The following PLA2G6 variants were observed in gnomAD, a reference collection of about 807,000 sequenced individuals.
The protein encoded by PLA2G6 is phospholipase A2 group VI.
Under a neutral mutation model 83.8 loss-of-function variants are expected in PLA2G6, and 62 were observed. That is an observed-to-expected ratio of 0.74 (90% CI 0.60 to 0.91). The LOEUF (loss-of-function observed/expected upper bound fraction) is 0.91. PLA2G6 is among the 40% of genes least tolerant of loss of function. The pLI is 0.00. For synonymous variants in PLA2G6, 417 were observed against 449.8 expected, an observed-to-expected ratio of 0.93 and a Z score of 0.92; for missense variants, 944 against 1,102.0, an observed-to-expected ratio of 0.86 and a Z score of 2.03.
Position 38,140,128 on chromosome 22 carries a change from A to G in PLA2G6, c.651T>C (p.Asn217=). ...RNAVAGLNQV[N]NQGLTPLHLA... is the part of the protein sequence containing the mutation. Reference sequence around the variant, plus strand: ...GGTGCAGCGGGGTCAGCCCTTGGTTATTCACCTGGTTCAGGCCAGCCACTG... The same window carrying G: ...GGTGCAGCGGGGTCAGCCCTTGGTTGTTCACCTGGTTCAGGCCAGCCACTG... The change falls in exon 5 of 17, where the codon AAT becomes AAC. Residue 217 remains asparagine, a synonymous_variant. Coordinates refer to ENST00000332509, the MANE Select transcript of PLA2G6 (RefSeq NM_003560.4). 1 of 1,614,060 alleles carries G rather than the reference A, an allele frequency of 6.2e-7. No individual in the cohort carries two copies. Among genetic ancestry groups the G allele is most frequent in the Non-Finnish European group, 8.5e-7 (1 of 1,180,002 alleles).
In PLA2G6 at chr22:38,140,151, C is replaced by T; in HGVS notation, c.628G>A (p.Val210Met). The T allele has an allele frequency of 6.2e-7, 1 of 1,614,150 alleles. No individual in the cohort carries two copies. The highest frequency in any genetic ancestry group is 1.1e-5 in the South Asian group (1 of 91,074). Residue 210 changes from valine (V) to methionine (M), a missense_variant, in exon 5 of 17, where the codon GTG (valine) becomes ATG (methionine). Val to Met is a conservative substitution (Grantham distance 21). Transcript: ENST00000332509. The stretch of plus-strand genomic sequence containing the variant: ...TTATTCACCTGGTTCAGGCCAGCCA[C>T]TGCGTTCCTTCCAAGGAGCTGATGA... ...QVLQLLGRNAVAGLNQVNNQG... is the reference protein window; with the variant it reads ...QVLQLLGRNAMAGLNQVNNQG...
At chr22:38,154,978 A>G (rs929401732) in intron 2 of PLA2G6, among the ~76,000 whole-genome samples, 1 of 152,252 alleles carries the variant, frequency 6.6e-6, no homozygotes, top group Non-Finnish European at 1.5e-5. Context: ...CTGTAATCCC[A>G]GCACTTCGGA....
intron 4 of PLA2G6, 79 bp downstream of exon 4, chr22:38,143,026 C>G (rs1197209543): frequency 7.4e-7 from 1 of 1,352,656 alleles, no homozygotes; most frequent in Non-Finnish European, 1.1e-6. Flanking sequence ...GAGAGTGACA[C>G]CTGAGCCTAG....
intron 10 of PLA2G6, chr22:38,125,639 TCCGTGTGA>T (rs1199274839): frequency 2.1e-6 from 1 of 469,838 alleles, no homozygotes; most frequent in Non-Finnish European, 4.4e-6. Flanking sequence ...TGACACTCAC[TCCGTGTGA>T]CCTTGAGCAA....
chr22:38,161,087 T>C (rs1174978406), intron 2 of PLA2G6, among the ~76,000 whole-genome samples: 1 of 152,224 alleles, frequency 6.6e-6, no homozygotes, highest in East Asian at 1.9e-4. Flanking sequence ...CAGTGGAATA[T>C]AAGCAGTCTC....
At chr22:38,161,102 G>A (rs1001364110) in intron 2 of PLA2G6, among the ~76,000 whole-genome samples, 2 of 151,914 alleles carry the variant, frequency 1.3e-5, no homozygotes, top group Non-Finnish European at 2.9e-5. Context: ...AGTCTCTGGA[G>A]GAAAAAGTAG....
chr22:38,150,076 A>G (rs1485357803), intron 2 of PLA2G6: 1 of 151,532 alleles, frequency 6.6e-6, no homozygotes, highest in Non-Finnish European at 1.5e-5. Flanking sequence ...AAACACATAG[A>G]AAAAAACAAA....
At chr22:38,167,621 G>A (rs1392309380) in intron 2 of PLA2G6, among the ~76,000 whole-genome samples, 1 of 152,176 alleles carries the variant, frequency 6.6e-6, no homozygotes, top group Admixed American at 6.5e-5. Context: ...AGCCCCATCT[G>A]CACTCAGAAT....
At chr22:38,125,318 ATG>A (rs1231880253) in intron 10 of PLA2G6, among the ~76,000 whole-genome samples, 2 of 151,996 alleles carry the variant, frequency 1.3e-5, no homozygotes, top group Non-Finnish European at 2.9e-5. Context: ...GTGTGCGTGC[ATG>A]TGTGCGTGTG....
intron 1 of PLA2G6, among the ~76,000 whole-genome samples, chr22:38,169,814 C>T (rs189843122): frequency 7.2e-5 from 11 of 152,332 alleles, no homozygotes; most frequent in Non-Finnish European, 1.3e-4. Context: ...GGAGATAGCA[C>T]ATGTGAACAT....
At chr22:38,171,229 C>G (rs986473301) in intron 1 of PLA2G6, among the ~76,000 whole-genome samples, 1 of 151,634 alleles carries the variant, frequency 6.6e-6, no homozygotes, top group African/African-American at 2.4e-5. Context: ...TGTCCCATTA[C>G]AAGGCTCAGT....
Position 38,156,383 on chromosome 22 carries a change from C to T in PLA2G6, c.210-10730G>A, listed in dbSNP as rs539496468. 5.9e-5 allele frequency among the ~76,000 whole-genome samples: 9 copies of T among 152,314 alleles called. No homozygotes were observed. The East Asian group carries it at 1.7e-3, about 29-fold the overall frequency. On this transcript the variant is annotated intron_variant, in intron 2 of 16. Coordinates refer to ENST00000332509, the MANE Select transcript of PLA2G6 (RefSeq NM_003560.4). ...CGGCTGCAGAATACACATTCTTCTCCTCAGCATATGGATCATTCTCAAGGA... is the reference window on the plus strand; with the variant it reads ...CGGCTGCAGAATACACATTCTTCTCTTCAGCATATGGATCATTCTCAAGGA...
chr22:38,126,696 A>C (rs1602110956), intron 9 of PLA2G6: 1 of 528,190 alleles, frequency 1.9e-6, no homozygotes, highest in Non-Finnish European at 3.5e-6. Flanking sequence ...AGGGCTCCCC[A>C]CCCTGCCCAG....
intron 11 of PLA2G6, among the ~76,000 whole-genome samples, chr22:38,121,818 G>A (rs1569250850): frequency 6.6e-6 from 1 of 152,256 alleles, no homozygotes; most frequent in Non-Finnish European, 1.5e-5. Context: ...CCTCGTGCCC[G>A]CCCTTGGACC....
intron 14 of PLA2G6, 150 bp downstream of exon 14, chr22:38,115,377 G>A: frequency 9.6e-6 from 7 of 730,870 alleles, no homozygotes; most frequent in African/African-American, 1.7e-5. Context: ...ACAGGTTCCA[G>A]TGAGATCAAT....
rs1185690516 is a variant in PLA2G6, at chr22:38,116,866, A to C, written c.1743-655T>G. Among the ~76,000 whole-genome samples, 4 of 150,976 alleles carry C rather than the reference A, an allele frequency of 2.6e-5. 1 individual carries two copies. The highest frequency in any genetic ancestry group is 4.9e-5 in the African/African-American group (2 of 41,222). On this transcript the variant is annotated intron_variant, in intron 12 of 16. Transcript: ENST00000332509. ...AACTCCGTCTCAAAAAAAAAAAAAA[A>C]AAAAAAAAAACAGAATATTTTGAAC...
In PLA2G6 at chr22:38,145,519, C is replaced by A; in HGVS notation, c.344G>T (p.Arg115Leu). The change falls in exon 3 of 17, where the codon CGT becomes CTT. Residue 115 changes from arginine to leucine, a missense_variant. Physicochemically the swap from Arg to Leu is moderately radical, Grantham distance 102. Coordinates refer to ENST00000332509, the MANE Select transcript of PLA2G6 (RefSeq NM_003560.4). ...GGCCACTGACCAGCTGGGGTGGTTA[C>A]GGATGAGGTCGGTCAGGTGCTGCAG... ...EVLQHLTDLI[R>L]NHPSWSVAHL... The A allele has an allele frequency of 6.2e-7, 1 of 1,613,180 alleles. No homozygotes were observed. Among genetic ancestry groups the A allele is most frequent in the Non-Finnish European group, 8.5e-7 (1 of 1,179,732 alleles).
Position 38,132,031 on chromosome 22 carries a change from C to T in PLA2G6, c.1077+800G>A, listed in dbSNP as rs1429319467. The T allele has an allele frequency of 7.1e-6, 3 of 423,048 alleles. No homozygotes were observed. The East Asian group carries it at 2.3e-4, about 33-fold the overall frequency. 26.2% of individuals were successfully genotyped at this position (423,048 alleles called of 1,614,324 possible). A position where few individuals can be genotyped will look rare whatever the true frequency, so the allele number is the denominator to read the frequency against. On this transcript the variant is annotated intron_variant, in intron 7 of 16. Coordinates refer to ENST00000332509, the MANE Select transcript of PLA2G6 (RefSeq NM_003560.4). The surrounding 1 kb of genome is among the most constrained non-coding windows in gnomAD (Gnocchi z 5.0). ...TTGGGAGGCTGAGGCAGGAGAATCGCTTGAACCTGGGAGGCGGAGGTTGTG... is the reference window on the plus strand; with the variant it reads ...TTGGGAGGCTGAGGCAGGAGAATCGTTTGAACCTGGGAGGCGGAGGTTGTG...
At position 38,143,113 on chromosome 22, in the gene PLA2G6, C is replaced by A. The variant is rs559649646; in HGVS notation, c.601G>T (p.Val201Leu). The change falls in exon 4 of 17, where the codon GTG (valine) becomes TTG (leucine). Residue 201 changes from valine (V) to leucine (L), a missense_variant. Coordinates refer to ENST00000332509, the MANE Select transcript of PLA2G6 (RefSeq NM_003560.4). ...CCCCTCCCCCTGCTCACCTGCAGCA[C>A]CTGAGAATTGTCACCCTGGACAGCA... The part of the protein sequence containing the change: ...HYAVQGDNSQ[V>L]LQLLGRNAVA... 1 of 1,614,144 alleles carries A rather than the reference C, an allele frequency of 6.2e-7. No individual in the cohort carries two copies. Among genetic ancestry groups the A allele is most frequent in the African/African-American group, 1.3e-5 (1 of 75,044 alleles).
Sources: allele counts gnomAD v4.1 joint callset (sites outside exome capture counted in the v4.1 genomes callset), GRCh38; gene constraint gnomAD v4.1.1; non-coding constraint Gnocchi (gnomAD v3.1); transcripts MANE v1.5; gene names NCBI Gene and HGNC (gene_info 2026-07-23, HGNC 2026-07-21).